JAZF1: variants seen among roughly 807,000 people sequenced by gnomAD.
JAZF1 encodes JAZF zinc finger 1, also known as juxtaposed with another zinc finger protein 1.
Under a neutral mutation model 26.4 loss-of-function variants are expected in JAZF1, and 8 were observed. The observed-to-expected ratio is 0.30, with a 90% CI of 0.18 to 0.55. JAZF1 has a LOEUF of 0.55. Ranked by LOEUF, JAZF1 falls within the 20% of genes least tolerant of loss-of-function variation. The pLI is 0.94. For synonymous variants in JAZF1, 126 were observed against 122.3 expected (o/e 1.03, Z -0.20); for missense variants, 199 against 322.0 (o/e 0.62, Z 2.92).
rs1234987428 is a variant in JAZF1 at position 28,052,236 on chromosome 7, T to C, written c.116-60255A>G. ...TTAGACCACCTTTTGTTACAAAGAATCCTATAAACCATTTAACCACGAGTA... is the reference window on the plus strand; with the variant it reads ...TTAGACCACCTTTTGTTACAAAGAACCCTATAAACCATTTAACCACGAGTA... On this transcript the variant is annotated intron_variant, in intron 1 of 4. Transcript: ENST00000283928. Among the ~76,000 whole-genome samples the C allele has an allele frequency of 2.0e-5, 3 of 152,222 alleles. No individual in the cohort carries two copies. The East Asian group carries it at 5.8e-4, about 29-fold the overall frequency.
intron 3 of JAZF1, among the ~76,000 whole-genome samples, chr7:27,868,244 A>G (rs902588751): frequency 2.6e-5 from 4 of 152,268 alleles, no homozygotes; most frequent in Non-Finnish European, 4.4e-5. Context: ...CAACAACTTT[A>G]AGGCCTAGGA....
intron 1 of JAZF1, among the ~76,000 whole-genome samples, chr7:28,115,839 A>G (rs542219207): frequency 6.6e-6 from 1 of 152,258 alleles, no homozygotes; most frequent in East Asian, 1.9e-4. Flanking sequence ...ATTCAAGCAG[A>G]TATGACTACA....
intron 1 of JAZF1, among the ~76,000 whole-genome samples, chr7:28,032,004 C>T (rs546439790): frequency 6.6e-6 from 1 of 152,246 alleles, no homozygotes; most frequent in African/African-American, 2.4e-5. Context: ...CTTCTTTCTG[C>T]GTGTGGGAGG....
chr7:28,009,519 T>A (rs1782762146), intron 1 of JAZF1, among the ~76,000 whole-genome samples: 4 of 150,980 alleles, frequency 2.6e-5, no homozygotes, highest in Admixed American at 1.3e-4. Context: ...AGTCTCGCTC[T>A]GTCGCCCAGG....
intron 2 of JAZF1, among the ~76,000 whole-genome samples, chr7:27,952,090 T>C (rs1288717415): frequency 6.6e-6 from 1 of 152,186 alleles, no homozygotes; most frequent in Non-Finnish European, 1.5e-5. Flanking sequence ...CAGCAGTTCA[T>C]GGCACTATAA....
At chr7:28,007,186 A>T (rs1236376148) in intron 1 of JAZF1, among the ~76,000 whole-genome samples, 1 of 152,192 alleles carries the variant, frequency 6.6e-6, no homozygotes, top group African/African-American at 2.4e-5. Flanking sequence ...TAGGCATAGA[A>T]TTATTTCTGG....
At chr7:27,893,465 C>T (rs781048569) in intron 3 of JAZF1, among the ~76,000 whole-genome samples, 22 of 152,224 alleles carry the variant, frequency 1.4e-4, no homozygotes, top group Non-Finnish European at 2.4e-4. Flanking sequence ...ATCTTACACT[C>T]GGGCCACCTG....
At chr7:27,931,769 T>G (rs779633942) in intron 2 of JAZF1, among the ~76,000 whole-genome samples, 1 of 151,568 alleles carries the variant, frequency 6.6e-6, no homozygotes, top group East Asian at 1.9e-4. Context: ...CCGGGGAGAA[T>G]TGCTTGAACC....
intron 2 of JAZF1, among the ~76,000 whole-genome samples, chr7:27,955,906 C>A (rs1785080662): frequency 6.6e-6 from 1 of 152,138 alleles, no homozygotes; most frequent in Non-Finnish European, 1.5e-5. Flanking sequence ...AAATCTGTAC[C>A]TACGACCTAC....
At chr7:27,900,748 T>C (rs1457334959) in intron 2 of JAZF1, among the ~76,000 whole-genome samples, 1 of 152,196 alleles carries the variant, frequency 6.6e-6, no homozygotes, top group East Asian at 1.9e-4. Flanking sequence ...GTAAAGAACA[T>C]TTACAGAACA....
intron 2 of JAZF1, among the ~76,000 whole-genome samples, chr7:27,907,274 A>T (rs1407995132): frequency 6.6e-6 from 1 of 152,228 alleles, no homozygotes; most frequent in Non-Finnish European, 1.5e-5. Flanking sequence ...TCATTGGATA[A>T]ATGCATGAAA....
At chr7:28,053,291 AAT>A (rs1228920046) in intron 1 of JAZF1, among the ~76,000 whole-genome samples, 3 of 152,336 alleles carry the variant, frequency 2.0e-5, no homozygotes, top group Non-Finnish European at 1.5e-5. Context: ...TCGGCGTGCA[AAT>A]ATCTCTTTGA....
At chr7:28,037,331 A>G (rs1408293779) in intron 1 of JAZF1, among the ~76,000 whole-genome samples, 1 of 152,186 alleles carries the variant, frequency 6.6e-6, no homozygotes, top group African/African-American at 2.4e-5. Flanking sequence ...GACCAATTAA[A>G]CCTGTCTTAA....
intron 1 of JAZF1, among the ~76,000 whole-genome samples, chr7:28,179,901 G>T (rs1369083851): frequency 6.8e-6 from 1 of 146,938 alleles, no homozygotes; most frequent in African/African-American, 2.4e-5. Context: ...GGCTGCCGCG[G>T]TGGAGCCACC....
At chr7:27,959,469 CT>C (rs1785153655) in intron 2 of JAZF1, among the ~76,000 whole-genome samples, 1 of 152,194 alleles carries the variant, frequency 6.6e-6, no homozygotes, top group African/African-American at 2.4e-5. Flanking sequence ...CTTTACACTG[CT>C]ATTTAAGTTT....
intron 1 of JAZF1, among the ~76,000 whole-genome samples, chr7:28,125,256 T>G (rs1782677143): frequency 6.6e-6 from 1 of 151,640 alleles, no homozygotes; most frequent in Non-Finnish European, 1.5e-5. Flanking sequence ...TAAAATTCAG[T>G]TTTCCCCCCT....
intron 2 of JAZF1, among the ~76,000 whole-genome samples, chr7:27,978,587 T>C (rs942964932): frequency 1.7e-4 from 26 of 152,124 alleles, no homozygotes; most frequent in African/African-American, 6.3e-4. Flanking sequence ...CTCGGGGAAG[T>C]TGAGGAAGTA....
At chr7:28,180,407 G>C in intron 1 of JAZF1, 56 bp downstream of exon 1, 1 of 1,116,234 alleles carries the variant, frequency 9.0e-7, no homozygotes. Context: ...GGGGCTCCCC[G>C]CCCGGGCAGG....
At chr7:27,954,803 G>A (rs1161875182) in intron 2 of JAZF1, among the ~76,000 whole-genome samples, 1 of 152,154 alleles carries the variant, frequency 6.6e-6, no homozygotes, top group African/African-American at 2.4e-5. Context: ...TGATGCCCAG[G>A]CTGGAGTGCA....
Sources: gnomAD v4.1 joint callset for allele counts (sites outside exome capture counted in the v4.1 genomes callset) on GRCh38, gnomAD v4.1.1 for gene constraint, MANE v1.5 for transcripts, NCBI Gene and HGNC (gene_info 2026-07-23, HGNC 2026-07-21) for gene names.